CHN2: variants seen among roughly 807,000 people sequenced by gnomAD.
The protein encoded by CHN2 is chimerin 2, also known as beta-chimaerin.
In CHN2, 35 loss-of-function variants were observed where a neutral mutation model predicts 56.3. The ratio of observed to expected loss-of-function variants is 0.62; its 90% CI spans 0.47 to 0.82. The LOEUF (loss-of-function observed/expected upper bound fraction) is 0.82. Among genes scored for constraint, CHN2 ranks in the 40% least tolerant of loss-of-function variants. The pLI, the probability that CHN2 is intolerant of heterozygous loss-of-function variation, is 0.00. For synonymous variants in CHN2, 210 were observed against 212.8 expected (o/e 0.99, Z 0.12); for missense variants, 491 against 580.5 (o/e 0.85, Z 1.58).
At chr7:29,432,716 A>T (rs887246125) in intron 6 of CHN2, among the ~76,000 whole-genome samples, 1 of 152,248 alleles carries the variant, frequency 6.6e-6, no homozygotes, top group Non-Finnish European at 1.5e-5. Flanking sequence ...AAATCATTTT[A>T]TAATGATCCC....
intron 6 of CHN2, among the ~76,000 whole-genome samples, chr7:29,437,248 T>C (rs913565170): frequency 6.6e-6 from 1 of 152,234 alleles, no homozygotes; most frequent in Non-Finnish European, 1.5e-5. Flanking sequence ...CATCTGTACC[T>C]GACCTAGTAG....
At chr7:29,481,277 G>T (rs1054419633) in intron 7 of CHN2, among the ~76,000 whole-genome samples, 5 of 152,284 alleles carry the variant, frequency 3.3e-5, no homozygotes, top group African/African-American at 1.2e-4. Flanking sequence ...AATGTGAATT[G>T]CTTTCTTTTA....
chr7:29,455,324 A>C (rs1784670222), intron 6 of CHN2, among the ~76,000 whole-genome samples: 1 of 152,200 alleles, frequency 6.6e-6, no homozygotes, highest in Non-Finnish European at 1.5e-5. Context: ...AGTGTCAATC[A>C]GATGCTACAG....
intron 1 of CHN2, among the ~76,000 whole-genome samples, chr7:29,205,143 C>T (rs3812389): frequency 0.18 from 27,115 of 152,212 alleles, 2,693 homozygotes; most frequent in Middle Eastern, 0.23. Flanking sequence ...TTAATGTAAA[C>T]ATGTCTGAAT....
At chr7:29,482,425 C>T (rs1317400635) in intron 7 of CHN2, among the ~76,000 whole-genome samples, 1 of 152,150 alleles carries the variant, frequency 6.6e-6, no homozygotes, top group Non-Finnish European at 1.5e-5. Context: ...CCACTCCTCA[C>T]CCGCAACTAA....
chr7:29,479,074 G>T (rs546088967), intron 6 of CHN2, among the ~76,000 whole-genome samples: 1 of 151,516 alleles, frequency 6.6e-6, no homozygotes, highest in East Asian at 1.9e-4. Context: ...TAATTTTACT[G>T]TCTGGCATTA....
intron 6 of CHN2, among the ~76,000 whole-genome samples, chr7:29,411,193 A>G (rs1803178139): frequency 6.6e-6 from 1 of 152,202 alleles, no homozygotes; most frequent in East Asian, 1.9e-4. Context: ...TATATGGCCA[A>G]TGAGGAGCCA....
In CHN2 at chr7:29,339,252, A is replaced by G. The variant is rs150938717; in HGVS notation, c.50-15373A>G. On this transcript the variant is annotated intron_variant, in intron 1 of 12. Coordinates refer to ENST00000222792, the MANE Select transcript of CHN2 (RefSeq NM_004067.4). Reference sequence around the variant, plus strand: ...TAAACAACCTTTTAAAAAGTTTGCTATACTTTTTTTTAATGTAAATTATGT... The same window carrying G: ...TAAACAACCTTTTAAAAAGTTTGCTGTACTTTTTTTTAATGTAAATTATGT... Among the ~76,000 whole-genome samples the G allele has an allele frequency of 2.0e-3, 303 of 152,272 alleles. 1 individual carries two copies. The highest frequency in any genetic ancestry group is 6.7e-3 in the African/African-American group (280 of 41,558).
intron 1 of CHN2, among the ~76,000 whole-genome samples, chr7:29,252,588 T>TTGTTTTTTTTTTTTTTTG (rs1562866530): frequency 2.9e-5 from 1 of 34,392 alleles, no homozygotes; most frequent in East Asian, 5.8e-4. Context: ...GTTTTTTTTT[T>TTGTTTTTTTTTTTTTTTG]TTTTTTTTTT....
chr7:29,220,083 A>G (rs1785655619), intron 1 of CHN2, among the ~76,000 whole-genome samples: 2 of 52,650 alleles, frequency 3.8e-5, no homozygotes, highest in African/African-American at 2.0e-4. Context: ...TCAAAAAAAT[A>G]AAAAAATTTA....
At chr7:29,314,866 G>A (rs1794848408) in intron 1 of CHN2, among the ~76,000 whole-genome samples, 1 of 150,650 alleles carries the variant, frequency 6.6e-6, no homozygotes, top group African/African-American at 2.4e-5. Flanking sequence ...TTATATATTT[G>A]TTTTATATAT....
At chr7:29,232,233 A>G (rs891391828) in intron 1 of CHN2, among the ~76,000 whole-genome samples, 1 of 152,162 alleles carries the variant, frequency 6.6e-6, no homozygotes, top group African/African-American at 2.4e-5. Context: ...TATAGTCAGA[A>G]TTAGAGTGAA....
chr7:29,433,925 G>A (rs1333766551), intron 6 of CHN2, among the ~76,000 whole-genome samples: 3 of 151,766 alleles, frequency 2.0e-5, no homozygotes, highest in Non-Finnish European at 4.4e-5. Flanking sequence ...GAGGGAGGGA[G>A]AGAGGCAGGA....
intron 2 of CHN2, among the ~76,000 whole-genome samples, chr7:29,362,023 A>G (rs1021418730): frequency 1.3e-5 from 2 of 152,218 alleles, no homozygotes; most frequent in East Asian, 3.9e-4. Flanking sequence ...ACTCCTGGAT[A>G]TGCATGAGTC....
chr7:29,478,786 C>T (rs79939290), intron 6 of CHN2, among the ~76,000 whole-genome samples: 1,824 of 152,242 alleles, frequency 0.012, 31 homozygotes, highest in African/African-American at 0.042. Flanking sequence ...TCTGACACAG[C>T]GTAAATTATT....
At chr7:29,360,713 G>A (rs1798672729) in intron 2 of CHN2, among the ~76,000 whole-genome samples, 1 of 152,150 alleles carries the variant, frequency 6.6e-6, no homozygotes, top group East Asian at 1.9e-4. Flanking sequence ...CAAGTGCCTG[G>A]GTTCAGCTCC....
chr7:29,197,346 T>C (rs1783818035), intron 1 of CHN2, among the ~76,000 whole-genome samples: 1 of 152,192 alleles, frequency 6.6e-6, no homozygotes, highest in Non-Finnish European at 1.5e-5. Flanking sequence ...TAATTCTGGC[T>C]TCATCACCGA....
At chr7:29,384,664 A>G (rs1800785676) in intron 3 of CHN2, among the ~76,000 whole-genome samples, 1 of 152,180 alleles carries the variant, frequency 6.6e-6, no homozygotes, top group South Asian at 2.1e-4. Context: ...TACTTTTAAA[A>G]TATAAATATA....
At chr7:29,510,997 G>A (rs1287073478) in intron 12 of CHN2, among the ~76,000 whole-genome samples, 1 of 152,130 alleles carries the variant, frequency 6.6e-6, no homozygotes, top group African/African-American at 2.4e-5. Flanking sequence ...ATGAATTGGT[G>A]TTATAACATT....
Sources: allele counts gnomAD v4.1 joint callset (sites outside exome capture counted in the v4.1 genomes callset), GRCh38; gene constraint gnomAD v4.1.1; transcripts MANE v1.5; gene names NCBI Gene and HGNC (gene_info 2026-07-23, HGNC 2026-07-21).